NCAM2: variants seen among roughly 807,000 people sequenced by gnomAD.
The protein encoded by NCAM2 is N-CAM-2.
In NCAM2, 30 loss-of-function variants were observed where a neutral mutation model predicts 98.1. The observed-to-expected ratio is 0.31, with a 90% CI of 0.23 to 0.41. NCAM2 has a LOEUF of 0.41. Among genes scored for constraint, NCAM2 ranks in the 10% least tolerant of loss-of-function variants. The pLI, the probability that NCAM2 is intolerant of heterozygous loss-of-function variation, is 1.00. For missense variants in NCAM2, 867 were observed against 1,005.8 expected (o/e 0.86, Z 1.87); for synonymous variants, 368 against 342.4 (o/e 1.07, Z -0.83).
intron 12 of NCAM2, among the ~76,000 whole-genome samples, chr21:21,448,122 T>C (rs1371140325): frequency 6.6e-6 from 1 of 152,038 alleles, no homozygotes; most frequent in Non-Finnish European, 1.5e-5. Context: ...CTATTTACAA[T>C]AGCAAAGTCA....
chr21:21,252,952 A>G (rs1039374818), intron 1 of NCAM2, among the ~76,000 whole-genome samples: 1 of 152,038 alleles, frequency 6.6e-6, no homozygotes, highest in Non-Finnish European at 1.5e-5. Flanking sequence ...CTTACTCCAG[A>G]TTGTCAAATC....
chr21:21,107,211 A>G (rs969451), intron 1 of NCAM2, among the ~76,000 whole-genome samples: 1 of 152,100 alleles, frequency 6.6e-6, no homozygotes, highest in African/African-American at 2.4e-5. Context: ...TTTTATCATT[A>G]TCACAACATG....
chr21:21,032,718 A>T (rs1022047038), intron 1 of NCAM2, among the ~76,000 whole-genome samples: 21 of 152,176 alleles, frequency 1.4e-4, no homozygotes, highest in African/African-American at 4.3e-4. Context: ...ATACCAATTT[A>T]CTCAAACAAT....
intron 1 of NCAM2, among the ~76,000 whole-genome samples, chr21:21,009,883 C>CTG (rs5842868): frequency 0.019 from 2,650 of 139,700 alleles, 48 homozygotes; most frequent in African/African-American, 0.045. Flanking sequence ...CCTCTGATAG[C>CTG]TGTGTGTGTG....
chr21:21,277,321 G>A (rs1242737939), intron 1 of NCAM2, among the ~76,000 whole-genome samples: 2 of 152,080 alleles, frequency 1.3e-5, no homozygotes, highest in African/African-American at 2.4e-5. Flanking sequence ...TTTAAATAAG[G>A]TAGAGAACCA....
At chr21:21,425,106 G>A (rs1209872279) in intron 11 of NCAM2, among the ~76,000 whole-genome samples, 1 of 145,050 alleles carries the variant, frequency 6.9e-6, no homozygotes, top group Non-Finnish European at 1.5e-5. Context: ...TACAACGAGG[G>A]AAATTTGGAG....
intron 1 of NCAM2, among the ~76,000 whole-genome samples, chr21:21,114,496 C>A (rs1047617663): frequency 6.6e-6 from 1 of 152,098 alleles, no homozygotes; most frequent in Admixed American, 6.5e-5. Flanking sequence ...TTACAAGGGT[C>A]GGTGTTAATG....
At chr21:21,241,089 T>G (rs1288291018) in intron 1 of NCAM2, among the ~76,000 whole-genome samples, 1 of 152,176 alleles carries the variant, frequency 6.6e-6, no homozygotes, top group Admixed American at 6.5e-5. Flanking sequence ...TCTTGAAGAC[T>G]ATAATATTCT....
intron 1 of NCAM2, among the ~76,000 whole-genome samples, chr21:21,093,663 C>CTT (rs1488041005): frequency 1.3e-5 from 2 of 151,890 alleles, no homozygotes; most frequent in African/African-American, 2.4e-5. Context: ...ATTTTTTCTG[C>CTT]TTAAAAAAAT....
At chr21:21,525,956 C>T (rs180690599) in intron 16 of NCAM2, among the ~76,000 whole-genome samples, 1 of 151,976 alleles carries the variant, frequency 6.6e-6, no homozygotes, top group Non-Finnish European at 1.5e-5. Flanking sequence ...GATACCCATT[C>T]ATAATAAAAG....
At chr21:21,094,770 G>T (rs2066085442) in intron 1 of NCAM2, among the ~76,000 whole-genome samples, 1 of 151,412 alleles carries the variant, frequency 6.6e-6, no homozygotes, top group African/African-American at 2.4e-5. Flanking sequence ...GATGTAAGTG[G>T]GTCATATTTA....
intron 1 of NCAM2, among the ~76,000 whole-genome samples, chr21:21,177,437 G>A (rs942753937): frequency 2.0e-5 from 3 of 151,966 alleles, no homozygotes; most frequent in Non-Finnish European, 2.9e-5. Context: ...TTTATAAACA[G>A]TTTTAGAAAT....
intron 6 of NCAM2, 147 bp downstream of exon 6, chr21:21,324,647 C>A: frequency 1.6e-6 from 1 of 612,280 alleles, no homozygotes. Context: ...TTGGGGCTTA[C>A]GGTGGTTAGA....
intron 12 of NCAM2, among the ~76,000 whole-genome samples, chr21:21,436,928 A>AT (rs3838065): frequency 1.4e-3 from 205 of 148,106 alleles, no homozygotes; most frequent in African/African-American, 1.8e-3. Flanking sequence ...CACCTGGCTA[A>AT]TTTTTTTTTT....
chr21:21,202,911 A>G (rs2069289229), intron 1 of NCAM2, among the ~76,000 whole-genome samples: 1 of 152,140 alleles, frequency 6.6e-6, no homozygotes, highest in Non-Finnish European at 1.5e-5. Context: ...TCTAGGACAT[A>G]TATTTCATCA....
In NCAM2 at chr21:21,536,218, A is replaced by G. The variant is rs141834742; in HGVS notation, c.2402+1562A>G. On this transcript the variant is annotated intron_variant, in intron 17 of 17. Coordinates refer to ENST00000400546, the MANE Select transcript of NCAM2 (RefSeq NM_004540.5). ...CAATGGATATTACTAGTTTTTGCCT[A>G]TTACTTCTTTTGATTAGTTCTGATT... 6.4e-4 allele frequency among the ~76,000 whole-genome samples: 98 copies of G among 151,946 alleles called. No homozygotes were observed. The South Asian group carries it at 0.013, about 20-fold the overall frequency.
rs541972550 is a variant in NCAM2, at chr21:21,132,248, C to T, written c.55+133630C>T. Among the ~76,000 whole-genome samples, 28 of 152,244 alleles carry T rather than the reference C, an allele frequency of 1.8e-4. No individual in the cohort carries two copies. In the East Asian group the frequency reaches 5.4e-3, roughly 29 times the overall value. On this transcript the variant is annotated intron_variant, in intron 1 of 17. Coordinates refer to ENST00000400546, the MANE Select transcript of NCAM2 (RefSeq NM_004540.5). ...TTTGCTTTCTCTTTCTCTCTGACTT[C>T]TGCTTCTGTGGTTACATAGCCTTCC...
intron 7 of NCAM2, 94 bp downstream of exon 7, chr21:21,335,759 A>T: frequency 1.9e-6 from 2 of 1,036,040 alleles, no homozygotes; most frequent in African/African-American, 1.7e-5. Flanking sequence ...TAAACTTTCC[A>T]TATTAAATCT....
intron 1 of NCAM2, among the ~76,000 whole-genome samples, chr21:21,216,711 A>G (rs1249888820): frequency 1.3e-5 from 2 of 151,982 alleles, no homozygotes; most frequent in African/African-American, 4.8e-5. Context: ...AATAAGGGGG[A>G]TTTAAGGATA....
Sources: gnomAD v4.1 joint callset for allele counts (sites outside exome capture counted in the v4.1 genomes callset) on GRCh38, gnomAD v4.1.1 for gene constraint, MANE v1.5 for transcripts, NCBI Gene and HGNC (gene_info 2026-07-23, HGNC 2026-07-21) for gene names.